The following CAMKMT variants were observed in gnomAD, a reference collection of about 807,000 sequenced individuals.
CAMKMT encodes the protein calmodulin-lysine N-methyltransferase.
CAMKMT carries 53 observed loss-of-function variants against 48.0 expected under a neutral mutation model. The observed-to-expected ratio is 1.10, with a 90% CI of 0.89 to 1.39. CAMKMT has a LOEUF of 1.39. CAMKMT is among the 40% of genes most tolerant of loss of function. The probability of loss-of-function intolerance (pLI) is 0.00; values close to 1 mark genes in which losing one functional copy is unlikely to be tolerated. For missense variants in CAMKMT, 428 were observed against 402.7 expected (o/e 1.06, Z -0.54); for synonymous variants, 165 against 152.3 (o/e 1.08, Z -0.61).
chr2:44,527,739 C>G (rs1193363097), intron 3 of CAMKMT, among the ~76,000 whole-genome samples: 1 of 147,296 alleles, frequency 6.8e-6, no homozygotes, highest in Non-Finnish European at 1.5e-5. Context: ...AAATTAAACA[C>G]AAAGTACAGA....
intron 3 of CAMKMT, among the ~76,000 whole-genome samples, chr2:44,547,459 GT>G (rs1667470042): frequency 6.6e-6 from 1 of 152,136 alleles, no homozygotes; most frequent in South Asian, 2.1e-4. Flanking sequence ...ACTTGAGGCT[GT>G]AGTGCACCAT....
At chr2:44,607,458 G>A (rs1009857161) in intron 3 of CAMKMT, among the ~76,000 whole-genome samples, 3 of 152,044 alleles carry the variant, frequency 2.0e-5, no homozygotes, top group Admixed American at 1.3e-4. Context: ...TGCATGTGTC[G>A]CATTTGCATA....
At chr2:44,420,841 C>T in intron 3 of CAMKMT, among the ~76,000 whole-genome samples, 1 of 151,046 alleles carries the variant, frequency 6.6e-6, no homozygotes. Context: ...TTTTTTTCCC[C>T]CCTTGGGTAA....
intron 6 of CAMKMT, among the ~76,000 whole-genome samples, chr2:44,709,187 C>T (rs1412171648): frequency 6.6e-6 from 1 of 152,080 alleles, no homozygotes. Flanking sequence ...GGTACAGCCC[C>T]CTCCCAAGAA....
chr2:44,428,140 C>G (rs1248721300), intron 3 of CAMKMT, among the ~76,000 whole-genome samples: 2 of 152,102 alleles, frequency 1.3e-5, no homozygotes, highest in Non-Finnish European at 2.9e-5. Flanking sequence ...CTCTTGGTAC[C>G]TAGGTTCTTG....
At chr2:44,471,909 G>A (rs1426559442) in intron 3 of CAMKMT, among the ~76,000 whole-genome samples, 1 of 152,008 alleles carries the variant, frequency 6.6e-6, no homozygotes, top group African/African-American at 2.4e-5. Flanking sequence ...TCAAACTACT[G>A]ACCTCAAGTG....
At chr2:44,735,185 T>G (rs112562152) in intron 7 of CAMKMT, among the ~76,000 whole-genome samples, 18 of 152,372 alleles carry the variant, frequency 1.2e-4, no homozygotes, top group African/African-American at 4.3e-4. Context: ...TTTTGACTAG[T>G]GTTGCTTGGT....
rs534000890 is a variant in CAMKMT at position 44,683,591 on chromosome 2, C to T, written c.377-20692C>T. On this transcript the variant is annotated intron_variant, in intron 3 of 10. Transcript: ENST00000378494. ...ATCCCAGCACTTTGGGAGGCCGAGG[C>T]GGGCGGATCGCAAGGTCAGGAGATC... Among the ~76,000 whole-genome samples the T allele has an allele frequency of 2.0e-4, 31 of 152,106 alleles. No individual in the cohort carries two copies. The South Asian group carries it at 6.0e-3, about 30-fold the overall frequency.
chr2:44,395,831 G>C (rs1315617148), intron 3 of CAMKMT, among the ~76,000 whole-genome samples: 1 of 151,972 alleles, frequency 6.6e-6, no homozygotes, highest in African/African-American at 2.4e-5. Context: ...GATATTTTTG[G>C]TATGTGCCAT....
At chr2:44,389,640 A>G (rs1426500926) in intron 2 of CAMKMT, among the ~76,000 whole-genome samples, 2 of 152,112 alleles carry the variant, frequency 1.3e-5, no homozygotes, top group East Asian at 1.9e-4. Context: ...AGTATTTTTC[A>G]TAGGTATTAA....
At chr2:44,756,857 C>T (rs1218579682) in intron 9 of CAMKMT, among the ~76,000 whole-genome samples, 2 of 152,190 alleles carry the variant, frequency 1.3e-5, no homozygotes, top group Non-Finnish European at 1.5e-5. Context: ...TCTCCGTGCA[C>T]TTCCAGCAAA....
At chr2:44,701,464 A>T (rs115102090) in intron 3 of CAMKMT, among the ~76,000 whole-genome samples, 2,229 of 152,326 alleles carry the variant, frequency 0.015, 22 homozygotes, top group South Asian at 0.031. Context: ...CACTCTGATT[A>T]GGAGTGTAAC....
chr2:44,646,756 C>T (rs1272250113), intron 3 of CAMKMT, among the ~76,000 whole-genome samples: 1 of 152,088 alleles, frequency 6.6e-6, no homozygotes, highest in African/African-American at 2.4e-5. Context: ...CACCACCAGG[C>T]CCCCAAGTTT....
At chr2:44,527,584 T>C (rs1666217426) in intron 3 of CAMKMT, among the ~76,000 whole-genome samples, 1 of 151,350 alleles carries the variant, frequency 6.6e-6, no homozygotes, top group Non-Finnish European at 1.5e-5. Context: ...CTACAATATT[T>C]TAAAGATTTA....
At chr2:44,504,162 A>G (rs570736859) in intron 3 of CAMKMT, among the ~76,000 whole-genome samples, 58 of 152,220 alleles carry the variant, frequency 3.8e-4, no homozygotes, top group Non-Finnish European at 6.8e-4. Flanking sequence ...GGGTTTCAAC[A>G]TATTAATTTT....
chr2:44,540,404 C>T (rs1667031514), intron 3 of CAMKMT, among the ~76,000 whole-genome samples: 1 of 152,076 alleles, frequency 6.6e-6, no homozygotes, highest in Non-Finnish European at 1.5e-5. Context: ...GCCATGGAAC[C>T]AGTGAGTCCT....
intron 10 of CAMKMT, among the ~76,000 whole-genome samples, chr2:44,767,505 G>A (rs1573258563): frequency 1.3e-5 from 2 of 152,258 alleles, no homozygotes; most frequent in South Asian, 2.1e-4. Context: ...GATCTTCCAA[G>A]CAAGAGAAAG....
chr2:44,396,221 C>A (rs924601989), intron 3 of CAMKMT, among the ~76,000 whole-genome samples: 2 of 152,064 alleles, frequency 1.3e-5, no homozygotes, highest in Middle Eastern at 3.4e-3. Flanking sequence ...CTTCTAAGTG[C>A]GAGTCAAACA....
At chr2:44,362,189 C>T in intron 1 of CAMKMT, 44 bp downstream of exon 1, 2 of 1,399,924 alleles carry the variant, frequency 1.4e-6, no homozygotes, top group Non-Finnish European at 1.9e-6. Context: ...CTGGTCACTC[C>T]TCTCTCACGT....
Sources: gnomAD v4.1 joint callset for allele counts (sites outside exome capture counted in the v4.1 genomes callset) on GRCh38, gnomAD v4.1.1 for gene constraint, MANE v1.5 for transcripts, NCBI Gene and HGNC (gene_info 2026-07-23, HGNC 2026-07-21) for gene names.